ATP8A1: variants seen among roughly 807,000 people sequenced by gnomAD.
ATP8A1 encodes the protein phospholipid-transporting ATPase IA.
ATP8A1 carries 90 observed loss-of-function variants against 177.7 expected under a neutral mutation model. The ratio of observed to expected loss-of-function variants is 0.51; its 90% CI spans 0.43 to 0.60. The LOEUF (loss-of-function observed/expected upper bound fraction) is 0.60. Ranked by LOEUF, ATP8A1 falls within the 20% of genes least tolerant of loss-of-function variation. The pLI is 0.00. For missense variants in ATP8A1, 1,072 were observed against 1,392.8 expected, an observed-to-expected ratio of 0.77 and a Z score of 3.67; for synonymous variants, 493 against 485.9, an observed-to-expected ratio of 1.01 and a Z score of -0.19.
chr4:42,607,176 C>T (rs984182643), intron 5 of ATP8A1, among the ~76,000 whole-genome samples: 4 of 152,140 alleles, frequency 2.6e-5, no homozygotes, highest in African/African-American at 9.7e-5. Context: ...GAAATGAGGA[C>T]GTACTTCTAC....
intron 1 of ATP8A1, among the ~76,000 whole-genome samples, chr4:42,635,780 C>T (rs78703860): frequency 0.066 from 2,806 of 42,482 alleles, 89 homozygotes; most frequent in African/African-American, 0.14. Context: ...CACACACACA[C>T]ACATATATAT....
chr4:42,452,357 A>C (rs1718021644), intron 29 of ATP8A1, among the ~76,000 whole-genome samples: 1 of 152,248 alleles, frequency 6.6e-6, no homozygotes, highest in Non-Finnish European at 1.5e-5. Flanking sequence ...AAAAATGCAG[A>C]ATTCTGAAAT....
At chr4:42,597,161 T>G (rs1481660258) in intron 6 of ATP8A1, among the ~76,000 whole-genome samples, 3 of 152,160 alleles carry the variant, frequency 2.0e-5, no homozygotes, top group Admixed American at 2.0e-4. Context: ...GCAACCACAG[T>G]AGCCACACAT....
chr4:42,583,348 T>A lies in ATP8A1; in HGVS notation c.723-1616A>T, dbSNP rs73810722. Among the ~76,000 whole-genome samples the A allele has an allele frequency of 7.9e-3, 1,201 of 152,304 alleles. 18 individuals carry two copies. The highest frequency in any genetic ancestry group is 0.027 in the African/African-American group (1,123 of 41,564). ...CCTGTCTGGAAGGAAACCCCTCTGG[T>A]ATATATCTCAAGATTAAGGGTGCAT... On this transcript the variant is annotated intron_variant, in intron 9 of 36. Transcript: ENST00000381668.
intron 5 of ATP8A1, among the ~76,000 whole-genome samples, chr4:42,612,563 CT>C (rs1338509140): frequency 6.6e-6 from 1 of 151,538 alleles, no homozygotes; most frequent in Non-Finnish European, 1.5e-5. Flanking sequence ...TGTCTTCTCT[CT>C]GCAGCTAGGT....
At chr4:42,417,448 TG>T (rs1354867763) in intron 35 of ATP8A1, among the ~76,000 whole-genome samples, 1 of 152,162 alleles carries the variant, frequency 6.6e-6, no homozygotes, top group Non-Finnish European at 1.5e-5. Flanking sequence ...TACCAAGCTA[TG>T]TAAATTTTGA....
chr4:42,504,541 TAAC>T (rs1349036805), intron 23 of ATP8A1, among the ~76,000 whole-genome samples: 3 of 152,238 alleles, frequency 2.0e-5, no homozygotes, highest in African/African-American at 7.2e-5. Flanking sequence ...ATCAAGAACC[TAAC>T]AACTTCTTAC....
At chr4:42,491,740 C>T (rs1722763755) in intron 24 of ATP8A1, among the ~76,000 whole-genome samples, 1 of 152,200 alleles carries the variant, frequency 6.6e-6, no homozygotes, top group Admixed American at 6.5e-5. Flanking sequence ...CACCTAAGGA[C>T]TGTGTTTTTG....
intron 12 of ATP8A1, 46 bp downstream of exon 12, chr4:42,578,214 G>T: frequency 6.7e-7 from 1 of 1,501,526 alleles, no homozygotes; most frequent in South Asian, 1.3e-5. Context: ...ATATCCTAAG[G>T]ACAAAATTAT....
chr4:42,555,692 G>A (rs1457930485), intron 16 of ATP8A1, among the ~76,000 whole-genome samples: 2 of 151,926 alleles, frequency 1.3e-5, no homozygotes, highest in Non-Finnish European at 2.9e-5. Context: ...GTGTGGTGGC[G>A]AGTGCCTGTA....
At chr4:42,471,725 T>C (rs1017649370) in intron 25 of ATP8A1, 5 of 285,244 alleles carry the variant, frequency 1.8e-5, no homozygotes, top group Admixed American at 4.3e-5. Flanking sequence ...CTAGTTATAT[T>C]GAACCTAGCA....
At chr4:42,602,275 CA>C (rs1002346723) in intron 5 of ATP8A1, among the ~76,000 whole-genome samples, 1 of 152,136 alleles carries the variant, frequency 6.6e-6, no homozygotes, top group African/African-American at 2.4e-5. Context: ...TCCTGAAACA[CA>C]AGACTCTAAT....
intron 25 of ATP8A1, chr4:42,471,766 G>A (rs995480982): frequency 2.4e-6 from 1 of 412,328 alleles, no homozygotes; most frequent in African/African-American, 2.1e-5. Context: ...AATTAAAAAT[G>A]GTAGCAAGCT....
Position 42,590,795 on chromosome 4 carries a change from A to G in ATP8A1, c.524+16T>C. The G allele has an allele frequency of 6.2e-7, 1 of 1,612,894 alleles. No individual in the cohort carries two copies. The highest frequency in any genetic ancestry group is 8.5e-7 in the Non-Finnish European group (1 of 1,179,110). ...GACCCACATACACGCATCCTATACGACTCAGTGGTTCTAACCTTGAGGACA... is the reference window on the plus strand; with the variant it reads ...GACCCACATACACGCATCCTATACGGCTCAGTGGTTCTAACCTTGAGGACA... On this transcript the variant is annotated intron_variant, in intron 7 of 36. Transcript: ENST00000381668.
At chr4:42,586,996 AT>A in intron 8 of ATP8A1, among the ~76,000 whole-genome samples, 1 of 152,300 alleles carries the variant, frequency 6.6e-6, no homozygotes. Context: ...GCCCTCTGTG[AT>A]GATCTAGTTC....
intron 7 of ATP8A1, among the ~76,000 whole-genome samples, chr4:42,590,157 T>C (rs763854842): frequency 6.6e-6 from 1 of 151,976 alleles, no homozygotes; most frequent in Non-Finnish European, 1.5e-5. Context: ...AAGTGAAAAA[T>C]GAAACAAGAT....
intron 24 of ATP8A1, among the ~76,000 whole-genome samples, chr4:42,490,390 C>G (rs1722624419): frequency 6.6e-6 from 1 of 152,202 alleles, no homozygotes; most frequent in South Asian, 2.1e-4. Context: ...GGCTGCTCAT[C>G]ACTGCTGGTC....
At chr4:42,552,933 C>A (rs1161604085) in intron 16 of ATP8A1, among the ~76,000 whole-genome samples, 1 of 152,130 alleles carries the variant, frequency 6.6e-6, no homozygotes, top group Non-Finnish European at 1.5e-5. Context: ...TTGCAGTGAG[C>A]TGAGATTGCA....
chr4:42,455,432 A>C lies in ATP8A1; in HGVS notation c.2695-13T>G, dbSNP rs1560343117. 5 of 1,613,790 alleles carry C rather than the reference A, an allele frequency of 3.1e-6. No individual in the cohort carries two copies. Among genetic ancestry groups the C allele is most frequent in the Non-Finnish European group, 4.2e-6 (5 of 1,179,766 alleles). On this transcript the variant is annotated splice_polypyrimidine_tract_variant and intron_variant, in intron 28 of 36. Coordinates refer to ENST00000381668, the MANE Select transcript of ATP8A1 (RefSeq NM_006095.2). Reference sequence around the variant, plus strand: ...TTGCTGTAAACATCTAAAGCGCACAAACTGGTCATTATGTCAAGCAGCCAA... The same window carrying C: ...TTGCTGTAAACATCTAAAGCGCACACACTGGTCATTATGTCAAGCAGCCAA...
Sources: allele counts gnomAD v4.1 joint callset (sites outside exome capture counted in the v4.1 genomes callset), GRCh38; gene constraint gnomAD v4.1.1; transcripts MANE v1.5; gene names NCBI Gene and HGNC (gene_info 2026-07-23, HGNC 2026-07-21).